Variants in SYT1 observed in about 807,000 individuals in gnomAD.
SYT1 encodes synaptotagmin-1.
In SYT1, 8 loss-of-function variants were observed where a neutral mutation model predicts 44.8. The ratio of observed to expected loss-of-function variants is 0.18; its 90% CI spans 0.10 to 0.32. The LOEUF (loss-of-function observed/expected upper bound fraction) is 0.32, where lower values mean the gene tolerates loss of function less well. Among genes scored for constraint, SYT1 ranks in the 10% least tolerant of loss-of-function variants. The pLI is 1.00. For missense variants in SYT1, 286 were observed against 509.3 expected (o/e 0.56, Z 4.22); for synonymous variants, 154 against 188.8 (o/e 0.82, Z 1.51).
intron 3 of SYT1, among the ~76,000 whole-genome samples, chr12:79,114,881 A>G (rs1879195011): frequency 1.3e-5 from 2 of 152,164 alleles, no homozygotes; most frequent in Non-Finnish European, 2.9e-5. Context: ...AAAATACCAA[A>G]CTGGCAACAT....
intron 1 of SYT1, among the ~76,000 whole-genome samples, chr12:78,940,801 G>A (rs1481619628): frequency 1.3e-5 from 2 of 152,060 alleles, no homozygotes; most frequent in Non-Finnish European, 2.9e-5. Context: ...AAAGGGGCAT[G>A]GTTATCAAAG....
At chr12:79,104,458 C>T (rs1878604576) in intron 3 of SYT1, among the ~76,000 whole-genome samples, 1 of 151,742 alleles carries the variant, frequency 6.6e-6, no homozygotes, top group African/African-American at 2.4e-5. Context: ...AAAAAAGTGA[C>T]CATAAAAATT....
chr12:79,109,200 C>T (rs1878881855), intron 3 of SYT1, among the ~76,000 whole-genome samples: 1 of 152,176 alleles, frequency 6.6e-6, no homozygotes, highest in Admixed American at 6.5e-5. Flanking sequence ...CGCACTCCTC[C>T]CAATGTTCAG....
At chr12:79,330,816 C>T (rs1325579918) in intron 8 of SYT1, among the ~76,000 whole-genome samples, 1 of 152,070 alleles carries the variant, frequency 6.6e-6, no homozygotes, top group Non-Finnish European at 1.5e-5. Flanking sequence ...CATGAAGGTC[C>T]ATAAGGTTTA....
intron 10 of SYT1, among the ~76,000 whole-genome samples, chr12:79,446,484 G>A (rs1235474893): frequency 6.6e-6 from 1 of 152,030 alleles, no homozygotes; most frequent in African/African-American, 2.4e-5. Context: ...ATTTGACCAA[G>A]GAACGTTATT....
At chr12:79,229,163 A>AC (rs1875710675) in intron 4 of SYT1, among the ~76,000 whole-genome samples, 1 of 152,230 alleles carries the variant, frequency 6.6e-6, no homozygotes, top group African/African-American at 2.4e-5. Flanking sequence ...GGGATGAGGA[A>AC]CAACAGCAAA....
In SYT1 at chr12:78,894,330, G is replaced by GTTTTTT. The variant is rs566175647; in HGVS notation, c.-217+29251_-217+29256dup. Among the ~76,000 whole-genome samples, 17 of 27,734 alleles carry GTTTTTT rather than the reference G, an allele frequency of 6.1e-4. 2 individuals carry two copies. The highest frequency in any genetic ancestry group is 7.1e-4 in the African/African-American group (6 of 8,396). 18.2% of individuals were successfully genotyped at this position (27,734 alleles called of 152,430 possible). On this transcript the variant is annotated intron_variant, in intron 1 of 10. Transcript: ENST00000261205. ...AATTTATGATTGTGTTTTTTAATCTGTTTTTTTTTTTTTTTTTTTTTTTTT... is the reference window on the plus strand; with the variant it reads ...AATTTATGATTGTGTTTTTTAATCTGTTTTTTTTTTTTTTTTTTTTTTTTTTTTTTT...
intron 9 of SYT1, chr12:79,392,309 G>A (rs933158549): frequency 5.9e-5 from 9 of 152,028 alleles, no homozygotes; most frequent in Non-Finnish European, 1.2e-4. Flanking sequence ...TCAACTCTTT[G>A]CTATTGTGAA....
chr12:79,296,863 T>A (rs991421269), intron 7 of SYT1, among the ~76,000 whole-genome samples: 4 of 152,206 alleles, frequency 2.6e-5, no homozygotes, highest in Non-Finnish European at 2.9e-5. Flanking sequence ...GGAAAACATG[T>A]CCTGCAGGTC....
intron 1 of SYT1, among the ~76,000 whole-genome samples, chr12:78,867,911 T>C (rs1873629654): frequency 6.6e-6 from 1 of 151,946 alleles, no homozygotes; most frequent in African/African-American, 2.4e-5. Flanking sequence ...GGAAGATTAA[T>C]AAAATAAAAT....
chr12:79,254,837 G>T (rs1293886281), intron 4 of SYT1, among the ~76,000 whole-genome samples: 1 of 152,180 alleles, frequency 6.6e-6, no homozygotes, highest in African/African-American at 2.4e-5. Context: ...AAGAGAACTA[G>T]AATTAGAAGT....
intron 1 of SYT1, among the ~76,000 whole-genome samples, chr12:78,876,418 T>A (rs1874070724): frequency 6.7e-6 from 1 of 149,282 alleles, no homozygotes; most frequent in Admixed American, 6.8e-5. Flanking sequence ...TAATGCTCTC[T>A]ATAGACATTA....
intron 4 of SYT1, among the ~76,000 whole-genome samples, chr12:79,233,661 A>G (rs1222832430): frequency 1.3e-5 from 2 of 152,012 alleles, no homozygotes; most frequent in Non-Finnish European, 2.9e-5. Context: ...TCTTTTCCGG[A>G]TCTGCTAATG....
intron 5 of SYT1, among the ~76,000 whole-genome samples, chr12:79,288,494 T>C (rs577208599): frequency 6.6e-6 from 1 of 152,274 alleles, no homozygotes; most frequent in South Asian, 2.1e-4. Context: ...TTTACCATTT[T>C]AATTCATATC....
upstream of SYT1, chr12:78,864,308 T>C (rs1166057850): frequency 1.3e-5 from 2 of 151,274 alleles, no homozygotes; most frequent in African/African-American, 4.9e-5. Context: ...TAGGTCGCTG[T>C]TGCAGTCTGG....
At chr12:79,086,849 C>T (rs1877912) in intron 3 of SYT1, among the ~76,000 whole-genome samples, 22,666 of 152,024 alleles carry the variant, frequency 0.15, 1,789 homozygotes, top group South Asian at 0.19. Context: ...AATGCATGGC[C>T]GGGTATTCTT....
At chr12:79,339,662 C>A (rs990315846) in intron 8 of SYT1, among the ~76,000 whole-genome samples, 1 of 151,852 alleles carries the variant, frequency 6.6e-6, no homozygotes, top group East Asian at 1.9e-4. Context: ...GTGCAGAAGC[C>A]CTTTAGTTTA....
At position 78,899,189 on chromosome 12, in the gene SYT1, T is replaced by C. The variant is rs188051626; in HGVS notation, c.-217+34080T>C. Among the ~76,000 whole-genome samples the C allele has an allele frequency of 1.2e-4, 18 of 152,208 alleles. No homozygotes were observed. In the South Asian group the frequency reaches 2.7e-3, roughly 23 times the overall value. On this transcript the variant is annotated intron_variant, in intron 1 of 10. Coordinates refer to ENST00000261205, the MANE Select transcript of SYT1 (RefSeq NM_005639.3). ...GAGATTAAAATTTAGCATTTAACTT[T>C]CTTAATAATTGAGATTATTGCTGAA...
intron 9 of SYT1, among the ~76,000 whole-genome samples, chr12:79,360,615 C>G (rs1483215387): frequency 6.6e-6 from 1 of 152,202 alleles, no homozygotes; most frequent in Non-Finnish European, 1.5e-5. Flanking sequence ...CAGGGTCAAG[C>G]AATAATATGC....
Sources: gnomAD v4.1 joint callset for allele counts (sites outside exome capture counted in the v4.1 genomes callset) on GRCh38, gnomAD v4.1.1 for gene constraint, MANE v1.5 for transcripts, NCBI Gene and HGNC (gene_info 2026-07-23, HGNC 2026-07-21) for gene names.